The following DKK2 variants were observed in gnomAD, a reference collection of about 807,000 sequenced individuals.
The protein encoded by DKK2 is dickkopf-related protein 2.
In DKK2, 11 loss-of-function variants were observed where a neutral mutation model predicts 28.1. That is an observed-to-expected ratio of 0.39 (90% CI 0.25 to 0.65). DKK2 has a LOEUF of 0.65. DKK2 is among the 30% of genes least tolerant of loss of function. The pLI is 0.47. For missense variants in DKK2, 326 were observed against 335.5 expected (o/e 0.97, Z 0.22); for synonymous variants, 135 against 126.5 (o/e 1.07, Z -0.45).
At chr4:106,997,513 C>A (rs141307440) in intron 1 of DKK2, among the ~76,000 whole-genome samples, 1 of 152,008 alleles carries the variant, frequency 6.6e-6, no homozygotes. Flanking sequence ...AGAGCATCAA[C>A]AAAACTCTAT....
At chr4:106,934,876 A>G (rs1724555585) in intron 1 of DKK2, among the ~76,000 whole-genome samples, 3 of 152,186 alleles carry the variant, frequency 2.0e-5, no homozygotes, top group Non-Finnish European at 4.4e-5. Flanking sequence ...AGGGCTACAA[A>G]ATTTTTGCTT....
Position 106,922,340 on chromosome 4 carries a change from A to G in DKK2, c.*1614T>C, listed in dbSNP as rs911310885. 108 of 152,338 alleles carry G rather than the reference A, an allele frequency of 7.1e-4. No individual in the cohort carries two copies. The highest frequency in any genetic ancestry group is 2.4e-3 in the African/African-American group (98 of 41,592). The allele number at this position is 152,338 out of a possible 1,614,324, so 9.4% of individuals were successfully genotyped here. A position where few individuals can be genotyped will look rare whatever the true frequency, so the allele number is the denominator to read the frequency against. ...TCTACAAAAGTTTAAAGTCACGACT[A>G]TAAGATAACCTTTTATTGTTTTGTG... On this transcript the variant is annotated 3_prime_UTR_variant, in exon 4 of 4. Coordinates refer to ENST00000285311, the MANE Select transcript of DKK2 (RefSeq NM_014421.3).
Position 106,957,523 on chromosome 4 carries a change from A to G in DKK2, c.223-31574T>C, listed in dbSNP as rs567165029. The stretch of plus-strand genomic sequence containing the variant: ...CAACCCAAATGTCCAACAATGATAG[A>G]CTGGATTAAGAAAATGTGGCACACA... On this transcript the variant is annotated intron_variant, in intron 1 of 3. Coordinates refer to ENST00000285311, the MANE Select transcript of DKK2 (RefSeq NM_014421.3). Among the ~76,000 whole-genome samples the G allele has an allele frequency of 6.4e-3, 969 of 152,158 alleles. 10 individuals carry two copies. Among genetic ancestry groups the G allele is most frequent in the Non-Finnish European group, 0.01 (682 of 67,992 alleles).
In DKK2 at chr4:106,923,801, T is replaced by C. The variant is rs1408679716; in HGVS notation, c.*153A>G. On this transcript the variant is annotated 3_prime_UTR_variant, in exon 4 of 4. Transcript: ENST00000285311. ...CACCCATTCTAATCTATTCAGTTCA[T>C]GTTTTCTTTCTCCCTTTTTGTGATC... 3 of 1,052,758 alleles carry C rather than the reference T, an allele frequency of 2.8e-6. No individual in the cohort carries two copies. The highest frequency in any genetic ancestry group is 4.1e-6 in the Non-Finnish European group (3 of 740,356). 65.2% of individuals were successfully genotyped at this position (1,052,758 alleles called of 1,614,324 possible).
chr4:106,969,285 C>G (rs1252669897), intron 1 of DKK2, among the ~76,000 whole-genome samples: 1 of 151,336 alleles, frequency 6.6e-6, no homozygotes, highest in Admixed American at 6.6e-5. Flanking sequence ...CCTCTCTCAT[C>G]TCTCATCTCT....
chr4:106,930,324 G>A (rs1327649362), intron 1 of DKK2, among the ~76,000 whole-genome samples: 3 of 152,080 alleles, frequency 2.0e-5, no homozygotes, highest in Admixed American at 2.0e-4. Context: ...CAAAACTGCA[G>A]GAAGAAAAGG....
chr4:107,016,071 AG>A (rs1245309684), intron 1 of DKK2, among the ~76,000 whole-genome samples: 1 of 151,822 alleles, frequency 6.6e-6, no homozygotes, highest in African/African-American at 2.4e-5. Flanking sequence ...GCAACAAATA[AG>A]GCCTGCTCTT....
At chr4:106,935,161 G>A (rs1724561690) in intron 1 of DKK2, among the ~76,000 whole-genome samples, 1 of 152,322 alleles carries the variant, frequency 6.6e-6, no homozygotes, top group South Asian at 2.1e-4. Context: ...CCCAGCATGA[G>A]TGAGGCAGAA....
At chr4:107,028,034 G>A (rs550998350) in intron 1 of DKK2, among the ~76,000 whole-genome samples, 81 of 152,230 alleles carry the variant, frequency 5.3e-4, no homozygotes, top group Non-Finnish European at 7.9e-4. Context: ...TTACAGGCGT[G>A]AGCCACCGCG....
intron 1 of DKK2, among the ~76,000 whole-genome samples, chr4:107,034,032 A>G (rs1383846052): frequency 6.6e-6 from 1 of 152,190 alleles, no homozygotes; most frequent in Non-Finnish European, 1.5e-5. Flanking sequence ...TTGAAAGGAT[A>G]GCTGAAACGG....
intron 1 of DKK2, among the ~76,000 whole-genome samples, chr4:107,023,948 A>C (rs1190071715): frequency 6.6e-6 from 1 of 152,146 alleles, no homozygotes. Flanking sequence ...GACCTATTAC[A>C]TTGTTTGATG....
intron 1 of DKK2, among the ~76,000 whole-genome samples, chr4:106,969,205 C>A (rs572643476): frequency 6.6e-6 from 1 of 151,628 alleles, no homozygotes; most frequent in African/African-American, 2.4e-5. Flanking sequence ...TTTGCTCAAA[C>A]TTCTCGCCTC....
At chr4:106,994,876 A>G (rs1723250176) in intron 1 of DKK2, among the ~76,000 whole-genome samples, 2 of 152,250 alleles carry the variant, frequency 1.3e-5, no homozygotes, top group South Asian at 4.1e-4. Flanking sequence ...GGGCACATGC[A>G]GTTAACTCAG....
intron 1 of DKK2, among the ~76,000 whole-genome samples, chr4:106,958,301 C>A (rs1342084567): frequency 6.6e-6 from 1 of 151,848 alleles, no homozygotes; most frequent in Non-Finnish European, 1.5e-5. Context: ...AACCCGAGAT[C>A]TATGAGAATA....
chr4:107,002,310 A>T (rs901482746), intron 1 of DKK2, among the ~76,000 whole-genome samples: 2 of 152,174 alleles, frequency 1.3e-5, no homozygotes, highest in Non-Finnish European at 1.5e-5. Context: ...AGTATTGATG[A>T]TGTGTGGCTA....
At chr4:106,947,588 A>C (rs1170268290) in intron 1 of DKK2, among the ~76,000 whole-genome samples, 1 of 152,058 alleles carries the variant, frequency 6.6e-6, no homozygotes, top group Non-Finnish European at 1.5e-5. Context: ...TTTGGCAAAG[A>C]ACCTTTGTAC....
At chr4:106,984,020 A>G (rs1206030014) in intron 1 of DKK2, among the ~76,000 whole-genome samples, 2 of 152,144 alleles carry the variant, frequency 1.3e-5, no homozygotes, top group Admixed American at 6.6e-5. Context: ...GGGAATGGAA[A>G]ATGGCACAGC....
rs1724384562 is a variant in DKK2, at chr4:106,923,895, T to C, written c.*59A>G. The C allele has an allele frequency of 1.7e-5, 27 of 1,594,570 alleles. No homozygotes were observed. The highest frequency in any genetic ancestry group is 2.3e-5 in the Non-Finnish European group (27 of 1,166,046). On this transcript the variant is annotated 3_prime_UTR_variant, in exon 4 of 4. Transcript: ENST00000285311. ...ATCTGAACCTTATTTTCCACCATGC[T>C]ATAATGCATTAAATACACAACTTCA...
chr4:106,934,978 C>T (rs888958303), intron 1 of DKK2, among the ~76,000 whole-genome samples: 13 of 152,258 alleles, frequency 8.5e-5, no homozygotes, highest in African/African-American at 2.6e-4. Flanking sequence ...TGCAGAGAGA[C>T]AATGACTTGA....
Sources: gnomAD v4.1 joint callset for allele counts (sites outside exome capture counted in the v4.1 genomes callset) on GRCh38, gnomAD v4.1.1 for gene constraint, MANE v1.5 for transcripts, NCBI Gene and HGNC (gene_info 2026-07-23, HGNC 2026-07-21) for gene names.